The following ZBTB7C variants were observed in gnomAD, a reference collection of about 807,000 sequenced individuals.
ZBTB7C encodes the protein zinc finger and BTB domain-containing protein 7C.
ZBTB7C carries 8 observed loss-of-function variants against 25.7 expected under a neutral mutation model. That is an observed-to-expected ratio of 0.31 (90% CI 0.18 to 0.56). The LOEUF (loss-of-function observed/expected upper bound fraction) is 0.56, where lower values mean the gene tolerates loss of function less well. Ranked by LOEUF, ZBTB7C falls within the 20% of genes least tolerant of loss-of-function variation. The pLI is 0.91. For synonymous variants in ZBTB7C, 394 were observed against 369.0 expected, an observed-to-expected ratio of 1.07 and a Z score of -0.78; for missense variants, 824 against 855.2, an observed-to-expected ratio of 0.96 and a Z score of 0.46.
chr18:48,306,053 A>T (rs1477005296), intron 2 of ZBTB7C, among the ~76,000 whole-genome samples: 1 of 152,234 alleles, frequency 6.6e-6, no homozygotes, highest in Non-Finnish European at 1.5e-5. Context: ...ACACCTGCAA[A>T]TGTCTGTGAA....
intron 1 of ZBTB7C, among the ~76,000 whole-genome samples, chr18:48,386,435 C>A (rs373728802): frequency 3.1e-4 from 25 of 80,996 alleles, no homozygotes; most frequent in African/African-American, 8.3e-4. Context: ...TTACCCTAGA[C>A]AGTGAGTGGA....
rs974313460 is a variant in ZBTB7C, at chr18:48,402,314, T to C, written c.-304+6912A>G. On this transcript the variant is annotated intron_variant, in intron 1 of 4. Coordinates refer to ENST00000590800, the MANE Select transcript of ZBTB7C (RefSeq NM_001318841.2). ...ATGGGGACTGATTCTTTCCTTGTCA[T>C]GGTTAAATAAGGTATGGTATATTAC... Among the ~76,000 whole-genome samples, 3 of 151,794 alleles carry C rather than the reference T, an allele frequency of 2.0e-5. No individual in the cohort carries two copies. In the South Asian group the frequency reaches 6.3e-4, roughly 32 times the overall value.
intron 3 of ZBTB7C, among the ~76,000 whole-genome samples, chr18:48,180,112 T>TTCCTTCCTTCCTTCCTTCCTTCC (rs144550931): frequency 9.6e-5 from 5 of 52,116 alleles, no homozygotes; most frequent in Non-Finnish European, 1.4e-4. Flanking sequence ...CCTTCCTTCC[T>TTCCTTCCTTCCTTCCTTCCTTCC]TTCCTTCCTT....
chr18:48,277,679 C>CT (rs1044030257), intron 2 of ZBTB7C, among the ~76,000 whole-genome samples: 1 of 152,186 alleles, frequency 6.6e-6, no homozygotes, highest in Non-Finnish European at 1.5e-5. Flanking sequence ...GAAACGGGCA[C>CT]TTGGGTTCAG....
chr18:48,216,196 A>G (rs2042819773), intron 2 of ZBTB7C, among the ~76,000 whole-genome samples: 1 of 152,150 alleles, frequency 6.6e-6, no homozygotes, highest in Non-Finnish European at 1.5e-5. Flanking sequence ...GGCACTCACT[A>G]CCACAGCAGG....
intron 1 of ZBTB7C, among the ~76,000 whole-genome samples, chr18:48,362,588 T>C (rs1000353068): frequency 6.6e-6 from 1 of 152,230 alleles, no homozygotes; most frequent in Non-Finnish European, 1.5e-5. Flanking sequence ...ACAATCAGTT[T>C]CTGCTGTTTA....
rs558005189 is a variant in ZBTB7C, at chr18:48,245,225, G to A, written c.-78-59230C>T. On this transcript the variant is annotated intron_variant, in intron 2 of 4. Transcript: ENST00000590800. Reference sequence around the variant, plus strand: ...ATTGTAAGTGAAGTAACTCAGGAATGGAAAACAAAACATTCTATGTCCTCA... The same window carrying A: ...ATTGTAAGTGAAGTAACTCAGGAATAGAAAACAAAACATTCTATGTCCTCA... Among the ~76,000 whole-genome samples, 6 of 151,656 alleles carry A rather than the reference G, an allele frequency of 4.0e-5. No homozygotes were observed. The East Asian group carries it at 1.2e-3, about 29-fold the overall frequency.
intron 1 of ZBTB7C, among the ~76,000 whole-genome samples, chr18:48,394,893 G>A (rs1029860454): frequency 6.6e-6 from 1 of 152,100 alleles, no homozygotes; most frequent in Non-Finnish European, 1.5e-5. Flanking sequence ...TGTAAACGGC[G>A]ACGCGTATGT....
Position 48,163,096 on chromosome 18 carries a change from C to T in ZBTB7C, c.-17+22838G>A, listed in dbSNP as rs111622342. 7.2e-4 allele frequency among the ~76,000 whole-genome samples: 109 copies of T among 152,246 alleles called. 1 individual carries two copies. The highest frequency in any genetic ancestry group is 2.6e-3 in the African/African-American group (108 of 41,536). ...CTGGGCCTGAGAAGGGATGTAGGGG[C>T]GCTGGAATGACTGATGTCAGCATCT... On this transcript the variant is annotated intron_variant, in intron 3 of 4. Coordinates refer to ENST00000590800, the MANE Select transcript of ZBTB7C (RefSeq NM_001318841.2).
chr18:48,137,823 A>C (rs551435457), intron 3 of ZBTB7C, among the ~76,000 whole-genome samples: 1 of 152,330 alleles, frequency 6.6e-6, no homozygotes, highest in East Asian at 1.9e-4. Flanking sequence ...GGCAGTCCAC[A>C]CTGGGGTGGG....
At chr18:48,382,835 A>C (rs2047663160) in intron 1 of ZBTB7C, among the ~76,000 whole-genome samples, 1 of 152,248 alleles carries the variant, frequency 6.6e-6, no homozygotes, top group Non-Finnish European at 1.5e-5. Context: ...GAAGTAAAAA[A>C]CTACCTAGAA....
chr18:48,395,251 G>C (rs2047994148), intron 1 of ZBTB7C, among the ~76,000 whole-genome samples: 1 of 149,060 alleles, frequency 6.7e-6, no homozygotes, highest in African/African-American at 2.5e-5. Flanking sequence ...CGTTTAAGGA[G>C]AGAGAGAGAG....
chr18:48,266,315 T>C (rs754671354), intron 2 of ZBTB7C, among the ~76,000 whole-genome samples: 2 of 152,112 alleles, frequency 1.3e-5, no homozygotes, highest in Admixed American at 6.5e-5. Context: ...AGAAGGACTA[T>C]TGCAAGGGTC....
intron 2 of ZBTB7C, among the ~76,000 whole-genome samples, chr18:48,253,483 A>G (rs1239054422): frequency 1.3e-5 from 2 of 152,210 alleles, no homozygotes; most frequent in Non-Finnish European, 2.9e-5. Context: ...TGTGAGCCCT[A>G]CAATTGCCCA....
intron 1 of ZBTB7C, chr18:48,375,607 A>C (rs2047502157): frequency 6.6e-6 from 1 of 152,300 alleles, no homozygotes; most frequent in South Asian, 2.1e-4. Context: ...ACACACACAC[A>C]CAGCAATTGC....
At chr18:48,279,475 T>A (rs1046988698) in intron 2 of ZBTB7C, among the ~76,000 whole-genome samples, 6 of 152,224 alleles carry the variant, frequency 3.9e-5, no homozygotes, top group Admixed American at 2.0e-4. Flanking sequence ...TTTATCACCA[T>A]GAATCATGTC....
intron 4 of ZBTB7C, among the ~76,000 whole-genome samples, chr18:48,031,995 G>A (rs566851893): frequency 6.6e-6 from 1 of 152,326 alleles, no homozygotes; most frequent in Admixed American, 6.5e-5. Flanking sequence ...GATGCTAGGT[G>A]GTCGGCTGGG....
At chr18:48,058,810 A>G (rs2037019645) in intron 3 of ZBTB7C, among the ~76,000 whole-genome samples, 1 of 152,188 alleles carries the variant, frequency 6.6e-6, no homozygotes, top group Non-Finnish European at 1.5e-5. Context: ...AGGAACTCTT[A>G]CTGTGGGGGA....
At chr18:48,105,510 G>A (rs1290333573) in intron 3 of ZBTB7C, among the ~76,000 whole-genome samples, 2 of 151,126 alleles carry the variant, frequency 1.3e-5, no homozygotes, top group Admixed American at 6.6e-5. Flanking sequence ...GTGCCTCCCA[G>A]TGGTGGGACA....
Sources: gnomAD v4.1 joint callset for allele counts (sites outside exome capture counted in the v4.1 genomes callset) on GRCh38, gnomAD v4.1.1 for gene constraint, MANE v1.5 for transcripts, NCBI Gene and HGNC (gene_info 2026-07-23, HGNC 2026-07-21) for gene names.